Variants in RANBP17 observed in about 807,000 individuals in gnomAD.
The protein encoded by RANBP17 is ran-binding protein 17.
Under a neutral mutation model 141.2 loss-of-function variants are expected in RANBP17, and 158 were observed. The observed-to-expected ratio is 1.12, with a 90% CI of 0.98 to 1.28. RANBP17 has a LOEUF of 1.28. Ranked by LOEUF, RANBP17 falls within the 50% of genes most tolerant of loss-of-function variation. RANBP17 has a pLI of 0.00. For missense variants in RANBP17, 1,438 were observed against 1,290.7 expected (o/e 1.11, Z -1.75); for synonymous variants, 430 against 450.0 (o/e 0.96, Z 0.56).
chr5:171,167,216 C>T (rs1292917225), intron 14 of RANBP17, among the ~76,000 whole-genome samples: 7 of 152,056 alleles, frequency 4.6e-5, no homozygotes, highest in Non-Finnish European at 8.8e-5. Flanking sequence ...GCCAGGGACA[C>T]GGTAGGAAAA....
intron 25 of RANBP17, among the ~76,000 whole-genome samples, chr5:171,279,007 G>A (rs1767694964): frequency 6.6e-6 from 1 of 152,128 alleles, no homozygotes; most frequent in South Asian, 2.1e-4. Context: ...ACCCTTTCAG[G>A]AGATTCCAAG....
At chr5:171,289,136 A>C (rs1490327647) in intron 25 of RANBP17, among the ~76,000 whole-genome samples, 2 of 151,976 alleles carry the variant, frequency 1.3e-5, no homozygotes, top group African/African-American at 4.8e-5. Flanking sequence ...TAAATCTCTG[A>C]TGTGTGCCAG....
intron 5 of RANBP17, chr5:170,896,792 T>A: frequency 2.6e-6 from 1 of 391,752 alleles, no homozygotes; most frequent in Non-Finnish European, 4.8e-6. Context: ...ATCGTGCCAC[T>A]GCACTCCACC....
intron 16 of RANBP17, among the ~76,000 whole-genome samples, chr5:171,176,481 G>A (rs1271674768): frequency 6.6e-6 from 1 of 152,004 alleles, no homozygotes; most frequent in Non-Finnish European, 1.5e-5. Context: ...TAAGTACACG[G>A]CAAAAGAACA....
chr5:171,219,523 A>G (rs546343656), intron 21 of RANBP17, among the ~76,000 whole-genome samples: 15 of 152,296 alleles, frequency 9.8e-5, no homozygotes, highest in Admixed American at 3.9e-4. Context: ...ACTTTCAGGT[A>G]CAGCAGTCAA....
intron 5 of RANBP17, among the ~76,000 whole-genome samples, chr5:170,899,085 C>T (rs951786697): frequency 1.3e-5 from 2 of 152,148 alleles, no homozygotes; most frequent in Non-Finnish European, 2.9e-5. Context: ...ATGAGGATAG[C>T]TTTGAATCTA....
At chr5:170,959,484 C>A (rs778367914) in intron 13 of RANBP17, among the ~76,000 whole-genome samples, 1 of 152,134 alleles carries the variant, frequency 6.6e-6, no homozygotes, top group Non-Finnish European at 1.5e-5. Flanking sequence ...GGCCTTTGCA[C>A]TTCTCTTTCT....
intron 25 of RANBP17, among the ~76,000 whole-genome samples, chr5:171,267,617 G>A (rs1766813396): frequency 1.3e-5 from 2 of 152,022 alleles, no homozygotes; most frequent in Admixed American, 6.6e-5. Flanking sequence ...GACCAGCCTG[G>A]CCAATATGGC....
intron 25 of RANBP17, among the ~76,000 whole-genome samples, chr5:171,267,799 CAAAAAA>C (rs950012953): frequency 7.1e-6 from 1 of 140,430 alleles, no homozygotes; most frequent in African/African-American, 2.6e-5. Context: ...AGCTCCATCT[CAAAAAA>C]AAAAGAAAAA....
At chr5:171,107,488 T>A (rs924811156) in intron 14 of RANBP17, among the ~76,000 whole-genome samples, 1 of 152,116 alleles carries the variant, frequency 6.6e-6, no homozygotes, top group Non-Finnish European at 1.5e-5. Flanking sequence ...TTTTTTTTTC[T>A]TGGCCTGTGA....
chr5:170,987,503 A>G (rs1778219829), intron 14 of RANBP17, among the ~76,000 whole-genome samples: 1 of 150,840 alleles, frequency 6.6e-6, no homozygotes, highest in Non-Finnish European at 1.5e-5. Flanking sequence ...CATATGCTCA[A>G]TACATATATA....
chr5:171,180,745 ATT>A lies in RANBP17; in HGVS notation c.1866-2416_1866-2415del, dbSNP rs575466946. The stretch of plus-strand genomic sequence containing the variant: ...TTGAAAAATATAAAAATTCTTAATC[ATT>A]TTTTTCTTTAGAATGTAATTAAAAG... On this transcript the variant is annotated intron_variant, in intron 16 of 27. Coordinates refer to ENST00000523189, the MANE Select transcript of RANBP17 (RefSeq NM_022897.5). 9.0e-3 allele frequency among the ~76,000 whole-genome samples: 1,370 copies of A among 152,146 alleles called. 22 individuals carry two copies. The highest frequency in any genetic ancestry group is 0.031 in the African/African-American group (1,268 of 41,508).
At chr5:171,280,242 T>A (rs138421989) in intron 25 of RANBP17, among the ~76,000 whole-genome samples, 2 of 152,284 alleles carry the variant, frequency 1.3e-5, no homozygotes, top group African/African-American at 4.8e-5. Flanking sequence ...CTCTCTTAAC[T>A]CATGGAAAGT....
chr5:171,177,830 G>A (rs1436977854), intron 16 of RANBP17, among the ~76,000 whole-genome samples: 1 of 152,046 alleles, frequency 6.6e-6, no homozygotes, highest in African/African-American at 2.4e-5. Context: ...CTATTAGATT[G>A]TAAATTATTA....
Position 171,240,920 on chromosome 5 carries a change from T to C in RANBP17, c.2423-8T>C. On this transcript the variant is annotated splice_region_variant and splice_polypyrimidine_tract_variant and intron_variant, in intron 22 of 27. Transcript: ENST00000523189. ...CTTATGTCACTTTCTGCTTTTATCC[T>C]GAAACAGGTAATCAGATCCTGTCCC... 6.2e-7 allele frequency: 1 copy of C among 1,600,220 alleles called. No homozygotes were observed. Among genetic ancestry groups the C allele is most frequent in the Non-Finnish European group, 8.6e-7 (1 of 1,168,056 alleles).
At chr5:171,226,784 G>A (rs1278060646) in intron 22 of RANBP17, among the ~76,000 whole-genome samples, 2 of 152,182 alleles carry the variant, frequency 1.3e-5, no homozygotes. Context: ...AAAAGAGGCT[G>A]AAAATCACTT....
intron 12 of RANBP17, among the ~76,000 whole-genome samples, chr5:170,934,541 T>G (rs1773692328): frequency 6.6e-6 from 1 of 152,226 alleles, no homozygotes; most frequent in African/African-American, 2.4e-5. Flanking sequence ...CTGTAAAGGA[T>G]TTTATTTCTC....
intron 14 of RANBP17, among the ~76,000 whole-genome samples, chr5:171,021,513 C>G (rs1165507751): frequency 6.6e-6 from 1 of 152,120 alleles, no homozygotes; most frequent in Non-Finnish European, 1.5e-5. Context: ...TGACTTATTT[C>G]AGTAAGTTGA....
chr5:171,037,047 TC>T (rs897277395), intron 14 of RANBP17, among the ~76,000 whole-genome samples: 1 of 152,008 alleles, frequency 6.6e-6, no homozygotes, highest in Non-Finnish European at 1.5e-5. Flanking sequence ...TAATACATGT[TC>T]CCCCCCAACA....
Sources: allele counts gnomAD v4.1 joint callset (sites outside exome capture counted in the v4.1 genomes callset), GRCh38; gene constraint gnomAD v4.1.1; transcripts MANE v1.5; gene names NCBI Gene and HGNC (gene_info 2026-07-23, HGNC 2026-07-21).